Variants in VRK2 observed in about 807,000 individuals in gnomAD.
VRK2 encodes VRK serine/threonine kinase 2.
In VRK2, 60 loss-of-function variants were observed where a neutral mutation model predicts 57.6. That is an observed-to-expected ratio of 1.04 (90% CI 0.85 to 1.29). The LOEUF (loss-of-function observed/expected upper bound fraction) is 1.29. Among genes scored for constraint, VRK2 ranks in the 50% most tolerant of loss-of-function variants. The pLI, the probability that VRK2 is intolerant of heterozygous loss-of-function variation, is 0.00. For missense variants in VRK2, 705 were observed against 588.1 expected (o/e 1.20, Z -2.06); for synonymous variants, 231 against 199.2 (o/e 1.16, Z -1.35).
upstream of VRK2, among the ~76,000 whole-genome samples, chr2:58,045,171 A>G (rs1482866944): frequency 6.6e-6 from 1 of 152,220 alleles, no homozygotes; most frequent in East Asian, 1.9e-4. Context: ...TGAACAGACT[A>G]AAGGGATAAG....
At chr2:58,153,005 T>C (rs1433695437) in intron 12 of VRK2, among the ~76,000 whole-genome samples, 2 of 151,980 alleles carry the variant, frequency 1.3e-5, no homozygotes, top group Non-Finnish European at 2.9e-5. Context: ...CCACCACAAT[T>C]ATCCTGCAGA....
upstream of VRK2, among the ~76,000 whole-genome samples, chr2:58,045,835 C>T (rs1268306777): frequency 3.3e-5 from 5 of 152,074 alleles, no homozygotes; most frequent in East Asian, 1.9e-4. Flanking sequence ...TATAAGCTTA[C>T]TATGAGTCTT....
intron 1 of VRK2, among the ~76,000 whole-genome samples, chr2:57,948,956 A>G (rs1671342070): frequency 6.6e-6 from 1 of 152,136 alleles, no homozygotes; most frequent in Admixed American, 6.6e-5. Context: ...GTAAAGCTAG[A>G]AAAGGGGCTG....
intron 11 of VRK2, 63 bp from the exon 12 acceptor site, chr2:58,146,253 T>C (rs767871195): frequency 3.6e-6 from 5 of 1,388,538 alleles, no homozygotes; most frequent in Non-Finnish European, 4.8e-6. Context: ...TGGACATATA[T>C]GCATTTTTTA....
chr2:57,924,106 T>C (rs935666081), intron 1 of VRK2, among the ~76,000 whole-genome samples: 9 of 152,066 alleles, frequency 5.9e-5, no homozygotes, highest in African/African-American at 2.2e-4. Context: ...GTCAGTACCA[T>C]GCCATTTCGG....
At chr2:57,998,211 G>A (rs1672985626) in intron 1 of VRK2, among the ~76,000 whole-genome samples, 1 of 152,106 alleles carries the variant, frequency 6.6e-6, no homozygotes, top group Admixed American at 6.5e-5. Context: ...CTATATGCAA[G>A]TATTACTATG....
chr2:57,959,199 C>T (rs186288662), intron 1 of VRK2, among the ~76,000 whole-genome samples: 1 of 152,000 alleles, frequency 6.6e-6, no homozygotes, highest in African/African-American at 2.4e-5. Context: ...ACAATTAGTC[C>T]AGAAACTGGA....
intron 3 of VRK2, among the ~76,000 whole-genome samples, chr2:58,035,431 G>A (rs1674244152): frequency 6.6e-6 from 1 of 151,888 alleles, no homozygotes; most frequent in Non-Finnish European, 1.5e-5. Context: ...TTCCAGGAAA[G>A]TATTATGTAC....
At chr2:57,912,927 A>T (rs1670034882) in intron 1 of VRK2, among the ~76,000 whole-genome samples, 1 of 152,158 alleles carries the variant, frequency 6.6e-6, no homozygotes, top group Non-Finnish European at 1.5e-5. Flanking sequence ...GCTCTTATTA[A>T]AAAGATCCCA....
intron 1 of VRK2, among the ~76,000 whole-genome samples, chr2:58,011,579 AT>A (rs1558539329): frequency 6.6e-6 from 1 of 152,104 alleles, no homozygotes; most frequent in Admixed American, 6.6e-5. Context: ...CTCTTTATGA[AT>A]TTTTTTCCTT....
chr2:58,159,086 A>ATAAATTACTTAAGAGAT (rs1553431873), intron 12 of VRK2, among the ~76,000 whole-genome samples: 12 of 152,156 alleles, frequency 7.9e-5, no homozygotes, highest in African/African-American at 2.7e-4. Flanking sequence ...TTTTTAGATT[A>ATAAATTACTTAAGAGAT]TAAATTACTT....
rs575603574 is a variant in VRK2, at chr2:58,100,205, T to C, written c.543+10482T>C. ...AACACAATCCATTTATCAATCCAGG[T>C]TGCTTGTAAAATGGAGTGTGAATGT... On this transcript the variant is annotated intron_variant, in intron 7 of 12. Coordinates refer to ENST00000340157, the MANE Select transcript of VRK2 (RefSeq NM_006296.7). Among the ~76,000 whole-genome samples the C allele has an allele frequency of 1.1e-4, 16 of 152,104 alleles. No homozygotes were observed. In the South Asian group the frequency reaches 1.9e-3, roughly 18 times the overall value.
intron 1 of VRK2, among the ~76,000 whole-genome samples, chr2:57,915,305 A>G (rs1670111318): frequency 6.6e-6 from 1 of 152,134 alleles, no homozygotes; most frequent in African/African-American, 2.4e-5. Flanking sequence ...TTTTGCAAAC[A>G]TGAAAGCATT....
intron 1 of VRK2, among the ~76,000 whole-genome samples, chr2:57,951,761 T>C (rs1329865866): frequency 6.6e-6 from 1 of 152,104 alleles, no homozygotes; most frequent in Non-Finnish European, 1.5e-5. Context: ...AAAGCATTTT[T>C]TTCTGAGTTG....
intron 1 of VRK2, among the ~76,000 whole-genome samples, chr2:57,913,128 C>T (rs530416051): frequency 2.0e-5 from 3 of 152,114 alleles, no homozygotes; most frequent in Non-Finnish European, 4.4e-5. Flanking sequence ...GTTATAGCAG[C>T]CTGAACAGAC....
At chr2:57,982,192 T>C (rs140173153) in intron 1 of VRK2, among the ~76,000 whole-genome samples, 2,786 of 152,294 alleles carry the variant, frequency 0.018, 25 homozygotes, top group Non-Finnish European at 0.026. Flanking sequence ...GCTGTAAGCC[T>C]GGGGAGCTGG....
chr2:58,046,612 C>T, upstream of VRK2: 1 of 985,606 alleles, frequency 1.0e-6, no homozygotes, highest in Non-Finnish European at 1.2e-6. Context: ...TGTAGCCGCG[C>T]CCTCTCCTTC....
intron 11 of VRK2, among the ~76,000 whole-genome samples, chr2:58,142,651 C>T (rs1681514375): frequency 6.6e-6 from 1 of 151,756 alleles, no homozygotes; most frequent in Non-Finnish European, 1.5e-5. Context: ...TTCCAAAATT[C>T]ACTGAAAGAA....
intron 2 of VRK2, among the ~76,000 whole-genome samples, chr2:58,049,933 A>AG (rs1236980032): frequency 2.6e-5 from 4 of 152,326 alleles, no homozygotes; most frequent in African/African-American, 9.6e-5. Context: ...TGCTTATTAA[A>AG]TACTTAAGTG....
Sources: allele counts gnomAD v4.1 joint callset (sites outside exome capture counted in the v4.1 genomes callset), GRCh38; gene constraint gnomAD v4.1.1; transcripts MANE v1.5; gene names NCBI Gene and HGNC (gene_info 2026-07-23, HGNC 2026-07-21).